RBMS3: variants seen among roughly 807,000 people sequenced by gnomAD.
RBMS3 encodes RNA binding motif single stranded interacting protein 3, also known as RNA-binding motif, single-stranded-interacting protein 3.
RBMS3 carries 27 observed loss-of-function variants against 66.8 expected under a neutral mutation model. The ratio of observed to expected loss-of-function variants is 0.40; its 90% confidence interval spans 0.30 to 0.56. RBMS3 has a LOEUF of 0.56. Ranked by LOEUF, RBMS3 falls within the 20% of genes least tolerant of loss-of-function variation. RBMS3 has a pLI of 0.40. For missense variants in RBMS3, 513 were observed against 549.5 expected (o/e 0.93, Z 0.66); for synonymous variants, 188 against 183.0 (o/e 1.03, Z -0.22).
At position 29,824,882 on chromosome 3, in the gene RBMS3, G is replaced by C. The variant is rs188951141; in HGVS notation, c.638-43976G>C. Among the ~76,000 whole-genome samples, 31 of 152,096 alleles carry C rather than the reference G, an allele frequency of 2.0e-4. 1 individual carries two copies. Among genetic ancestry groups the C allele is most frequent in the Middle Eastern group, 3.4e-3 (1 of 292 alleles). Reference sequence around the variant, plus strand: ...TAAAAATTTACATCAAATAATGTATGATTATTTTTATACAGAGCATTTTTT... The same window carrying C: ...TAAAAATTTACATCAAATAATGTATCATTATTTTTATACAGAGCATTTTTT... On this transcript the variant is annotated intron_variant, in intron 6 of 14. Coordinates refer to ENST00000383767, the MANE Select transcript of RBMS3 (RefSeq NM_001003793.3).
At chr3:29,472,747 G>A (rs796602315) in intron 2 of RBMS3, among the ~76,000 whole-genome samples, 2 of 152,008 alleles carry the variant, frequency 1.3e-5, no homozygotes, top group African/African-American at 2.4e-5. Context: ...GCAGACCTTC[G>A]CGGTGAGTGT....
At chr3:29,877,919 C>A (rs944570501) in intron 7 of RBMS3, among the ~76,000 whole-genome samples, 1 of 151,986 alleles carries the variant, frequency 6.6e-6, no homozygotes, top group Non-Finnish European at 1.5e-5. Flanking sequence ...TTTCTCTGGC[C>A]AAAATATTGG....
chr3:29,547,270 G>T (rs1047959342), intron 3 of RBMS3, among the ~76,000 whole-genome samples: 1 of 152,132 alleles, frequency 6.6e-6, no homozygotes, highest in African/African-American at 2.4e-5. Flanking sequence ...CAGAGAATTT[G>T]CCCTTCTTCA....
intron 6 of RBMS3, among the ~76,000 whole-genome samples, chr3:29,787,748 G>A (rs944144105): frequency 2.0e-5 from 3 of 151,940 alleles, no homozygotes; most frequent in Admixed American, 6.6e-5. Flanking sequence ...ATGCTGCTAG[G>A]GTCATGGGTG....
intron 1 of RBMS3, among the ~76,000 whole-genome samples, chr3:29,352,827 T>C: frequency 6.6e-6 from 1 of 151,976 alleles, no homozygotes; most frequent in East Asian, 1.9e-4. Flanking sequence ...CACATGTGAC[T>C]GAGAATATGC....
At chr3:29,576,478 AC>A (rs1462818313) in intron 3 of RBMS3, among the ~76,000 whole-genome samples, 1 of 151,810 alleles carries the variant, frequency 6.6e-6, no homozygotes, top group Non-Finnish European at 1.5e-5. Context: ...TCTAACCACT[AC>A]CTGGCTGTCA....
intron 3 of RBMS3, among the ~76,000 whole-genome samples, chr3:29,504,290 C>T (rs1034696272): frequency 1.3e-5 from 2 of 152,148 alleles, no homozygotes; most frequent in Non-Finnish European, 2.9e-5. Flanking sequence ...GTCCAGGGAG[C>T]AGCAGCTCAT....
intron 4 of RBMS3, among the ~76,000 whole-genome samples, chr3:29,699,020 C>G (rs561557794): frequency 1.3e-5 from 2 of 152,292 alleles, no homozygotes; most frequent in African/African-American, 2.4e-5. Flanking sequence ...GAATACTTCA[C>G]AGTTTAATAA....
chr3:29,548,692 C>T (rs755509029), intron 3 of RBMS3, among the ~76,000 whole-genome samples: 24 of 151,946 alleles, frequency 1.6e-4, no homozygotes, highest in Non-Finnish European at 3.1e-4. Context: ...AAAACGTCAT[C>T]TAGTATTAAA....
At chr3:29,980,792 A>G (rs1697933717) in intron 12 of RBMS3, among the ~76,000 whole-genome samples, 1 of 151,942 alleles carries the variant, frequency 6.6e-6, no homozygotes, top group Admixed American at 6.6e-5. Context: ...TGGTCTATGT[A>G]TCTGTTTTGG....
intron 6 of RBMS3, among the ~76,000 whole-genome samples, chr3:29,861,536 C>T (rs1001583854): frequency 2.0e-5 from 3 of 152,144 alleles, no homozygotes; most frequent in Non-Finnish European, 4.4e-5. Flanking sequence ...ATTCTGCTGT[C>T]GATATCTTAG....
At chr3:29,464,855 C>T (rs1337464224) in intron 2 of RBMS3, among the ~76,000 whole-genome samples, 1 of 152,130 alleles carries the variant, frequency 6.6e-6, no homozygotes, top group Non-Finnish European at 1.5e-5. Flanking sequence ...TGTCTTATCT[C>T]ATGTATTTCA....
chr3:29,852,124 G>A (rs114197061), intron 6 of RBMS3, among the ~76,000 whole-genome samples: 7,375 of 152,104 alleles, frequency 0.048, 413 homozygotes, highest in African/African-American at 0.13. Context: ...TAGCTTAGCC[G>A]TATGCAGAAA....
chr3:29,414,103 A>G (rs2040381848), intron 1 of RBMS3, among the ~76,000 whole-genome samples: 1 of 152,198 alleles, frequency 6.6e-6, no homozygotes, highest in Non-Finnish European at 1.5e-5. Context: ...CATTATTGAC[A>G]GGTAACTTGT....
chr3:30,000,226 C>A lies in RBMS3; in HGVS notation c.1308-3630C>A, dbSNP rs368735087. The stretch of plus-strand genomic sequence containing the variant: ...AAAAACAACCCCATCAAAAAGTAAA[C>A]AAAGGATATGAACAGACACTTCTCA... On this transcript the variant is annotated intron_variant, in intron 14 of 14. Transcript: ENST00000383767. Among the ~76,000 whole-genome samples, 90 of 152,126 alleles carry A rather than the reference C, an allele frequency of 5.9e-4. 1 individual carries two copies. In the East Asian group the frequency reaches 0.014, roughly 24 times the overall value.
chr3:29,605,454 C>T (rs1046384324), intron 4 of RBMS3, among the ~76,000 whole-genome samples: 3 of 151,900 alleles, frequency 2.0e-5, no homozygotes, highest in African/African-American at 7.2e-5. Context: ...TTCTATGTTG[C>T]TCTTAATATC....
At chr3:29,893,145 T>C (rs2149595473) in intron 8 of RBMS3, among the ~76,000 whole-genome samples, 1 of 151,650 alleles carries the variant, frequency 6.6e-6, no homozygotes, top group Non-Finnish European at 1.5e-5. Context: ...GGTATGCCGA[T>C]TCTGTTCTTC....
intron 4 of RBMS3, among the ~76,000 whole-genome samples, chr3:29,610,399 GATGAA>G (rs2048455158): frequency 6.6e-6 from 1 of 152,030 alleles, no homozygotes; most frequent in Admixed American, 6.6e-5. Context: ...TACCCACCTT[GATGAA>G]GTAACACAAA....
At chr3:29,394,790 G>T (rs746447069) in intron 1 of RBMS3, among the ~76,000 whole-genome samples, 1 of 152,042 alleles carries the variant, frequency 6.6e-6, no homozygotes, top group African/African-American at 2.4e-5. Context: ...CCCTGTCTTT[G>T]ATTGCCTCTC....
Sources: allele counts gnomAD v4.1 joint callset (sites outside exome capture counted in the v4.1 genomes callset), GRCh38; gene constraint gnomAD v4.1.1; transcripts MANE v1.5; gene names NCBI Gene and HGNC (gene_info 2026-07-23, HGNC 2026-07-21).